The following AHNAK variants were observed in gnomAD, a reference collection of about 807,000 sequenced individuals.
The protein encoded by AHNAK is neuroblast differentiation-associated protein AHNAK.
AHNAK carries 23 observed loss-of-function variants against 37.8 expected under a neutral mutation model. The ratio of observed to expected loss-of-function variants is 0.61; its 90% CI spans 0.44 to 0.86. The LOEUF (loss-of-function observed/expected upper bound fraction) is 0.86. Ranked by LOEUF, AHNAK falls within the 40% of genes least tolerant of loss-of-function variation. The probability of loss-of-function intolerance (pLI) is 0.00; values close to 1 mark genes in which losing one functional copy is unlikely to be tolerated. For synonymous variants in AHNAK, 2,481 were observed against 2,636.3 expected (o/e 0.94, Z 1.80); for missense variants, 7,411 against 7,319.4 (o/e 1.01, Z -0.46).
intron 5 of AHNAK, among the ~76,000 whole-genome samples, chr11:62,459,864 A>T (rs1938747559): frequency 6.6e-6 from 1 of 152,150 alleles, no homozygotes; most frequent in African/African-American, 2.4e-5. Context: ...TCTTGGCCAG[A>T]CATGGTGGCT....
At chr11:62,452,100 C>T (rs1938551959) in intron 5 of AHNAK, among the ~76,000 whole-genome samples, 1 of 152,168 alleles carries the variant, frequency 6.6e-6, no homozygotes, top group Admixed American at 6.5e-5. Flanking sequence ...GCGTGAGCCA[C>T]CGCACCCAGC....
At chr11:62,535,817 C>G in intron 3 of AHNAK, 128 bp downstream of exon 3, 1 of 1,290,318 alleles carries the variant, frequency 7.8e-7, no homozygotes, top group South Asian at 1.5e-5. Context: ...TACCAACCAC[C>G]CTGATGCCAC....
rs1171132746 is a variant in AHNAK at position 62,516,878 on chromosome 11, T to TG, written c.17538dup (p.Lys5847GlnfsTer12). On this transcript the variant is annotated frameshift_variant, in exon 5 of 5. Transcript: ENST00000378024. LOFTEE classifies it high-confidence loss of function. Reference sequence around the variant, plus strand: ...AGGGACACCCCACTCCCCTGTAACTTGCCTGTCTCATCATCGCTCCCAGTC... The same window carrying TG: ...AGGGACACCCCACTCCCCTGTAACTTGGCCTGTCTCATCATCGCTCCCAGTC... 4.3e-6 allele frequency: 7 copies of TG among 1,614,158 alleles called. No individual in the cohort carries two copies. Among genetic ancestry groups the TG allele is most frequent in the Non-Finnish European group, 5.1e-6 (6 of 1,180,028 alleles).
Position 62,523,273 on chromosome 11 carries a change from T to G in AHNAK, c.11144A>C (p.Asp3715Ala), listed in dbSNP as rs759021849. 2 of 1,613,874 alleles carry G rather than the reference T, an allele frequency of 1.2e-6. No individual in the cohort carries two copies. The highest frequency in any genetic ancestry group is 1.3e-5 in the African/African-American group (1 of 74,888). Residue 3715 changes from aspartate to alanine, a missense_variant, in exon 5 of 5, where the codon GAC becomes GCC. Transcript: ENST00000378024. ...GCCTTCGATGTTAATGTCAGGAGTG[T>G]CAATGTCCACTTTGGGGCCCTTGAT... is the stretch of plus-strand genomic sequence containing the variant. Reference protein sequence around the residue: ...VDIKGPKVDIDTPDINIEGSE... With the variant: ...VDIKGPKVDIATPDINIEGSE...
chr11:62,453,333 T>G (rs761426420), intron 5 of AHNAK, among the ~76,000 whole-genome samples: 1 of 152,132 alleles, frequency 6.6e-6, no homozygotes, highest in Non-Finnish European at 1.5e-5. Context: ...CTCTTCCACC[T>G]CATCCTGGTT....
intron 4 of AHNAK, among the ~76,000 whole-genome samples, chr11:62,503,327 G>A (rs996353992): frequency 5.3e-5 from 8 of 152,206 alleles, no homozygotes; most frequent in Non-Finnish European, 7.3e-5. Context: ...GGTGGCTCAC[G>A]CCTGTAATCC....
In AHNAK at chr11:62,467,211, T is replaced by TAA. The variant is rs57593006; in HGVS notation, c.442+24519_442+24520dup. ...TGGGTGACAAAGTGAGATCCTGTCT[T>TAA]AAAAAAAAAAAAAAAAACTTAGAAA... On this transcript the variant is annotated intron_variant, in intron 5 of 5. Coordinates refer to the AHNAK transcript ENST00000257247. Among the ~76,000 whole-genome samples the TAA allele has an allele frequency of 7.8e-3, 1,078 of 137,844 alleles. 4 individuals are homozygous for TAA. Among genetic ancestry groups the TAA allele is most frequent in the Middle Eastern group, 0.015 (4 of 266 alleles). 90.4% of individuals were successfully genotyped at this position (137,844 alleles called of 152,430 possible). A position where few individuals can be genotyped will look rare whatever the true frequency, so the allele number is the denominator to read the frequency against.
chr11:62,437,396 G>T (rs1938197241), intron 5 of AHNAK, among the ~76,000 whole-genome samples: 1 of 151,942 alleles, frequency 6.6e-6, no homozygotes. Flanking sequence ...CACTCTGTCT[G>T]CCAGGCTGGA....
chr11:62,535,531 C>T (rs1476629650), intron 3 of AHNAK, among the ~76,000 whole-genome samples: 5 of 151,938 alleles, frequency 3.3e-5, no homozygotes, highest in African/African-American at 1.2e-4. Context: ...GCCTGTAATC[C>T]CAGCTACCCT....
chr11:62,493,551 C>G (rs1426606577), intron 4 of AHNAK, among the ~76,000 whole-genome samples: 1 of 152,106 alleles, frequency 6.6e-6, no homozygotes, highest in African/African-American at 2.4e-5. Context: ...CCAAGCTGGT[C>G]TCAAACTCCT....
At chr11:62,479,938 C>T (rs944523754) in intron 5 of AHNAK, among the ~76,000 whole-genome samples, 45 of 152,106 alleles carry the variant, frequency 3.0e-4, no homozygotes, top group African/African-American at 1.0e-3. Flanking sequence ...TGGCCCATTC[C>T]GGGGAGCTGG....
chr11:62,440,662 C>T (rs1807253172), intron 5 of AHNAK, among the ~76,000 whole-genome samples: 2 of 152,104 alleles, frequency 1.3e-5, no homozygotes, highest in African/African-American at 4.8e-5. Context: ...GCTGCCTGGC[C>T]ACACCTGACC....
Position 62,532,226 on chromosome 11 carries a change from C to T in AHNAK, c.2191G>A (p.Val731Met), listed in dbSNP as rs1940780496. 1 of 1,613,948 alleles carries T rather than the reference C, an allele frequency of 6.2e-7. No homozygotes were observed. Among genetic ancestry groups the T allele is most frequent in the South Asian group, 1.1e-5 (1 of 91,084 alleles). The change falls in exon 5 of 5, where the codon GTG (valine) becomes ATG (methionine). Residue 731 changes from valine to methionine, a missense_variant. Coordinates refer to ENST00000378024, the MANE Select transcript of AHNAK (RefSeq NM_001620.3). The part of the protein sequence containing the change: ...KLEGELKGPK[V>M]DIDAPDVDVH... ...TCCACATCTGGGGCATCAATGTCCA[C>T]TTTTGGGCCTTTGAGTTCTCCTTCC... is the stretch of plus-strand genomic sequence containing the variant.
intron 5 of AHNAK, among the ~76,000 whole-genome samples, chr11:62,478,750 C>CAA (rs11358273): frequency 2.4e-4 from 21 of 88,442 alleles, no homozygotes; most frequent in African/African-American, 7.8e-4. Context: ...GACCCTGCCT[C>CAA]AAAAAAAAAA....
At chr11:62,458,392 G>T (rs747483205) in intron 5 of AHNAK, among the ~76,000 whole-genome samples, 8 of 152,088 alleles carry the variant, frequency 5.3e-5, no homozygotes, top group Admixed American at 1.3e-4. Context: ...CACCAGAGGG[G>T]CCACAGGATA....
intron 4 of AHNAK, among the ~76,000 whole-genome samples, chr11:62,505,320 A>G (rs762660766): frequency 6.6e-6 from 1 of 152,104 alleles, no homozygotes; most frequent in Non-Finnish European, 1.5e-5. Flanking sequence ...ACGGGTCATG[A>G]GGCCCAAATA....
intron 5 of AHNAK, among the ~76,000 whole-genome samples, chr11:62,450,222 C>G (rs1590590241): frequency 6.6e-6 from 1 of 151,722 alleles, no homozygotes; most frequent in East Asian, 1.9e-4. Flanking sequence ...ATGGTGTGAT[C>G]TCACGGCACA....
intron 5 of AHNAK, among the ~76,000 whole-genome samples, chr11:62,470,987 C>A (rs2134847981): frequency 6.6e-6 from 1 of 152,102 alleles, no homozygotes; most frequent in East Asian, 1.9e-4. Flanking sequence ...TGGGGTCAAC[C>A]CCTGCAAGCT....
At chr11:62,493,750 T>C (rs1939555790) in intron 4 of AHNAK, among the ~76,000 whole-genome samples, 1 of 151,958 alleles carries the variant, frequency 6.6e-6, no homozygotes, top group Admixed American at 6.6e-5. Flanking sequence ...GGATTACAGG[T>C]GTGACCCACC....
Sources: gnomAD v4.1 joint callset for allele counts (sites outside exome capture counted in the v4.1 genomes callset) on GRCh38, gnomAD v4.1.1 for gene constraint, MANE v1.5 for transcripts, NCBI Gene and HGNC (gene_info 2026-07-23, HGNC 2026-07-21) for gene names.